Variants in ARHGAP19 observed in about 807,000 individuals in gnomAD.
ARHGAP19 encodes rho GTPase-activating protein 19.
A neutral mutation model predicts 60.9 loss-of-function variants in ARHGAP19; 48 were observed. The observed-to-expected ratio is 0.79, with a 90% CI of 0.62 to 1.00. The LOEUF is 1.00. Ranked by LOEUF, ARHGAP19 falls within the 50% of genes least tolerant of loss-of-function variation. The pLI is 0.00. For synonymous variants in ARHGAP19, 209 were observed against 215.5 expected (o/e 0.97, Z 0.27); for missense variants, 562 against 597.2 (o/e 0.94, Z 0.61).
rs984626048 is a variant in ARHGAP19, at chr10:97,292,459, G to C, written c.56+113C>G. 30 of 1,372,212 alleles carry C rather than the reference G, an allele frequency of 2.2e-5. No homozygotes were observed. In the African/African-American group the frequency reaches 2.4e-4, roughly 11 times the overall value. The allele number at this position is 1,372,212 out of a possible 1,614,324, so 85.0% of individuals were successfully genotyped here. On this transcript the variant is annotated intron_variant, in intron 1 of 11. Transcript: ENST00000358531. The stretch of plus-strand genomic sequence containing the variant: ...CGCAGGCGCGACGATGAGAAACGCC[G>C]TGGGAGAAAGAAACAAAGCCCGAAC...
intron 8 of ARHGAP19, among the ~76,000 whole-genome samples, chr10:97,238,375 G>A (rs999959353): frequency 1.3e-5 from 2 of 151,982 alleles, no homozygotes; most frequent in Non-Finnish European, 2.9e-5. Flanking sequence ...ACACACTAAC[G>A]AGACCAGTTA....
At chr10:97,270,214 T>C (rs1842944803) in intron 1 of ARHGAP19, among the ~76,000 whole-genome samples, 1 of 152,240 alleles carries the variant, frequency 6.6e-6, no homozygotes, top group Admixed American at 6.5e-5. Context: ...TTTCTTGTTA[T>C]GTCACACTTT....
chr10:97,226,524 C>T (rs1850898159), intron 11 of ARHGAP19, among the ~76,000 whole-genome samples: 1 of 152,144 alleles, frequency 6.6e-6, no homozygotes, highest in Non-Finnish European at 1.5e-5. Flanking sequence ...GGAACCCAAG[C>T]CCAGCTGAAT....
chr10:97,253,616 T>C (rs985906913), intron 6 of ARHGAP19, among the ~76,000 whole-genome samples: 1 of 152,134 alleles, frequency 6.6e-6, no homozygotes. Flanking sequence ...GTATGGTATA[T>C]TTCAAAATAA....
intron 1 of ARHGAP19, chr10:97,270,775 A>G: frequency 2.9e-6 from 3 of 1,031,616 alleles, no homozygotes; most frequent in Non-Finnish European, 4.1e-6. Context: ...CCTGAAAGGC[A>G]GTACTTAGGA....
chr10:97,239,320 C>T (rs1423007212), intron 8 of ARHGAP19, among the ~76,000 whole-genome samples: 1 of 151,988 alleles, frequency 6.6e-6, no homozygotes, highest in African/African-American at 2.4e-5. Flanking sequence ...TGGTGAAACC[C>T]CGTCTCTACT....
At chr10:97,253,597 A>G (rs1311286445) in intron 6 of ARHGAP19, among the ~76,000 whole-genome samples, 7 of 152,156 alleles carry the variant, frequency 4.6e-5, no homozygotes, top group Admixed American at 4.6e-4. Flanking sequence ...GACTATAGTT[A>G]ACAACAACGT....
chr10:97,255,973 C>CA (rs1189932589), intron 6 of ARHGAP19, among the ~76,000 whole-genome samples: 1 of 152,128 alleles, frequency 6.6e-6, no homozygotes, highest in African/African-American at 2.4e-5. Flanking sequence ...CCAAAGAGTA[C>CA]AAAATGACCC....
At chr10:97,268,397 C>A (rs1038474084) in intron 1 of ARHGAP19, among the ~76,000 whole-genome samples, 1 of 152,168 alleles carries the variant, frequency 6.6e-6, no homozygotes, top group Non-Finnish European at 1.5e-5. Context: ...TTACTCAGTT[C>A]AAAAGTCGCT....
chr10:97,272,382 G>A (rs527729052), intron 1 of ARHGAP19, among the ~76,000 whole-genome samples: 16 of 151,984 alleles, frequency 1.1e-4, no homozygotes, highest in South Asian at 2.1e-4. Context: ...CAATCTGCCC[G>A]CCTTGGTATC....
chr10:97,245,130 C>T (rs181234301), intron 7 of ARHGAP19, among the ~76,000 whole-genome samples: 369 of 151,974 alleles, frequency 2.4e-3, no homozygotes, highest in African/African-American at 8.3e-3. Context: ...CTCAGCCTCC[C>T]GAGTAGCTGA....
chr10:97,238,231 G>A (rs1232384230), intron 8 of ARHGAP19, among the ~76,000 whole-genome samples: 3 of 151,906 alleles, frequency 2.0e-5, no homozygotes, highest in African/African-American at 7.3e-5. Flanking sequence ...TTAGAGACGG[G>A]GTCTCGCTCT....
At chr10:97,270,497 A>G (rs1327431033) in intron 1 of ARHGAP19, 2 of 755,080 alleles carry the variant, frequency 2.6e-6, no homozygotes, top group Non-Finnish European at 4.2e-6. Flanking sequence ...AGAAATGTAT[A>G]GGACTAAAGA....
chr10:97,291,442 C>G (rs555350198), intron 1 of ARHGAP19, among the ~76,000 whole-genome samples: 1 of 152,108 alleles, frequency 6.6e-6, no homozygotes, highest in African/African-American at 2.4e-5. Flanking sequence ...TACAGGCGCC[C>G]GCCACCACAC....
At chr10:97,283,931 CCT>C (rs1843120915) in intron 1 of ARHGAP19, among the ~76,000 whole-genome samples, 1 of 147,608 alleles carries the variant, frequency 6.8e-6, no homozygotes, top group Non-Finnish European at 1.5e-5. Flanking sequence ...ATTTTTCTTT[CCT>C]TTTTTTTTCT....
intron 1 of ARHGAP19, among the ~76,000 whole-genome samples, chr10:97,267,888 G>A (rs1017328797): frequency 6.6e-6 from 1 of 152,250 alleles, no homozygotes; most frequent in Non-Finnish European, 1.5e-5. Context: ...CTCCAGGCCT[G>A]TGATGGGAGG....
chr10:97,230,279 C>T (rs1850983465), intron 9 of ARHGAP19, among the ~76,000 whole-genome samples: 1 of 152,190 alleles, frequency 6.6e-6, no homozygotes, highest in African/African-American at 2.4e-5. Context: ...TCCCTCCCCC[C>T]TACTTACCAC....
At chr10:97,253,008 A>G (rs923675814) in intron 6 of ARHGAP19, among the ~76,000 whole-genome samples, 3 of 152,166 alleles carry the variant, frequency 2.0e-5, no homozygotes, top group Non-Finnish European at 2.9e-5. Context: ...TTGCAGCAAC[A>G]TGGATGGAAC....
chr10:97,222,844 T>A lies in ARHGAP19; in HGVS notation c.*3278A>T, dbSNP rs79334318. The A allele has an allele frequency of 1.3e-5, 2 of 152,166 alleles. No individual in the cohort carries two copies. Among genetic ancestry groups the A allele is most frequent in the Admixed American group, 1.3e-4 (2 of 15,270 alleles). The allele number at this position is 152,166 out of a possible 1,614,324, so 9.4% of individuals were successfully genotyped here. On this transcript the variant is annotated 3_prime_UTR_variant, in exon 12 of 12. Coordinates refer to ENST00000358531, the MANE Select transcript of ARHGAP19 (RefSeq NM_032900.6). ...ATGGGGGCCATTAGCCTCAAGCATC[T>A]GTGTGAGGCCTTGTAGGAAAGGAGA... is the stretch of plus-strand genomic sequence containing the variant.
Sources: allele counts gnomAD v4.1 joint callset (sites outside exome capture counted in the v4.1 genomes callset), GRCh38; gene constraint gnomAD v4.1.1; transcripts MANE v1.5; gene names NCBI Gene and HGNC (gene_info 2026-07-23, HGNC 2026-07-21).